Variants in TMEM233 observed in about 807,000 individuals in gnomAD.
The protein encoded by TMEM233 is transmembrane protein 233.
In TMEM233, 6 loss-of-function variants were observed where a neutral mutation model predicts 11.2. The observed-to-expected ratio is 0.54, with a 90% CI of 0.29 to 1.06. The LOEUF is 1.06. TMEM233 is among the 50% of genes least tolerant of loss of function. The pLI, the probability that TMEM233 is intolerant of heterozygous loss-of-function variation, is 0.08. For synonymous variants in TMEM233, 59 were observed against 55.8 expected (o/e 1.06, Z -0.26); for missense variants, 127 against 144.7 (o/e 0.88, Z 0.63).
intron 2 of TMEM233, among the ~76,000 whole-genome samples, chr12:119,635,738 C>T (rs1566114164): frequency 6.6e-6 from 1 of 152,146 alleles, no homozygotes; most frequent in Non-Finnish European, 1.5e-5. Context: ...CTGGCTGGCT[C>T]TTAGTTGGAG....
At position 119,623,767 on chromosome 12, in the gene TMEM233, C is replaced by T. The variant is rs138101374; in HGVS notation, c.187-5969C>T. Among the ~76,000 whole-genome samples, 8 of 152,258 alleles carry T rather than the reference C, an allele frequency of 5.3e-5. No homozygotes were observed. The East Asian group carries it at 1.5e-3, about 29-fold the overall frequency. Reference sequence around the variant, plus strand: ...ACATTTATTGAGCACACACTATGTGCGGAGCCAATACCAACCACTTGACAC... The same window carrying T: ...ACATTTATTGAGCACACACTATGTGTGGAGCCAATACCAACCACTTGACAC... On this transcript the variant is annotated intron_variant, in intron 1 of 2. Transcript: ENST00000426426.
chr12:119,600,914 T>A (rs986172460), intron 1 of TMEM233, among the ~76,000 whole-genome samples: 2 of 126,668 alleles, frequency 1.6e-5, no homozygotes, highest in Non-Finnish European at 3.6e-5. Flanking sequence ...TTGAACTGTA[T>A]ACTTAAAAAT....
chr12:119,612,834 C>G (rs1482499778), intron 1 of TMEM233, among the ~76,000 whole-genome samples: 1 of 151,452 alleles, frequency 6.6e-6, no homozygotes, highest in African/African-American at 2.4e-5. Flanking sequence ...GTGGGAGGAT[C>G]ACTAGAGTAC....
downstream of TMEM233, among the ~76,000 whole-genome samples, chr12:119,647,119 C>T (rs982164997): frequency 1.2e-4 from 19 of 152,148 alleles, no homozygotes; most frequent in African/African-American, 4.6e-4. Flanking sequence ...TAGTCTCAAA[C>T]TTCTGGCCTC....
intron 1 of TMEM233, among the ~76,000 whole-genome samples, chr12:119,596,905 G>A (rs985412144): frequency 1.3e-5 from 2 of 152,218 alleles, no homozygotes; most frequent in Non-Finnish European, 2.9e-5. Context: ...AAGCATTCTA[G>A]TTCTTAGCAC....
chr12:119,594,013 G>A lies in TMEM233; in HGVS notation c.165G>A (p.Val55=). The part of the protein sequence containing the change: ...CFCPAYPINI[V]ALVFSIMSLN... ...GCCCTGCGTACCCCATCAACATCGT[G>A]GCTTTGGTCTTTTCCATCATGGTGA... Residue 55 remains valine, a synonymous_variant, in exon 1 of 3, where the codon GTG becomes GTA. Transcript: ENST00000426426. The surrounding 1 kb of genome is among the most constrained non-coding windows in gnomAD (Gnocchi z 5.6). 8.4e-6 allele frequency: 13 copies of A among 1,551,660 alleles called. No individual in the cohort carries two copies. The highest frequency in any genetic ancestry group is 1.1e-5 in the Non-Finnish European group (13 of 1,146,960).
At chr12:119,640,096 G>C (rs559482013) in intron 2 of TMEM233, among the ~76,000 whole-genome samples, 1 of 152,326 alleles carries the variant, frequency 6.6e-6, no homozygotes, top group East Asian at 1.9e-4. Flanking sequence ...GGGGAGGAGA[G>C]TGAGGTTCGG....
chr12:119,622,240 A>T (rs1191372876), intron 1 of TMEM233, among the ~76,000 whole-genome samples: 5 of 152,206 alleles, frequency 3.3e-5, no homozygotes, highest in Admixed American at 1.3e-4. Flanking sequence ...CGGGGAAAAA[A>T]TCTAGAATCA....
At position 119,595,043 on chromosome 12, in the gene TMEM233, G is replaced by A. The variant is rs1352772802; in HGVS notation, c.186+1009G>A. Among the ~76,000 whole-genome samples, 1 of 152,222 alleles carries A rather than the reference G, an allele frequency of 6.6e-6. No homozygotes were observed. Among genetic ancestry groups the A allele is most frequent in the African/African-American group, 2.4e-5 (1 of 41,480 alleles). Reference sequence around the variant, plus strand: ...TCCCGAGCTGCCCGCCTCTCTAGGAGTGGCCGCTGGGGCCTCTAGTCCGCC... The same window carrying A: ...TCCCGAGCTGCCCGCCTCTCTAGGAATGGCCGCTGGGGCCTCTAGTCCGCC... On this transcript the variant is annotated intron_variant, in intron 1 of 2. Coordinates refer to ENST00000426426, the MANE Select transcript of TMEM233 (RefSeq NM_001136534.3). The surrounding 1 kb of genome is among the most constrained non-coding windows in gnomAD (Gnocchi z 4.3).
At chr12:119,653,189 G>T in the TMEM233 span, among the ~76,000 whole-genome samples, 1 of 151,872 alleles carries the variant, frequency 6.6e-6, no homozygotes, top group African/African-American at 2.4e-5. Flanking sequence ...GTCAGGAGAT[G>T]GAGACCATCT....
chr12:119,602,683 T>C (rs959605888), intron 1 of TMEM233, among the ~76,000 whole-genome samples: 1 of 152,220 alleles, frequency 6.6e-6, no homozygotes, highest in Non-Finnish European at 1.5e-5. Context: ...TTTAAACTGT[T>C]TTTAGAGTCC....
intron 1 of TMEM233, among the ~76,000 whole-genome samples, chr12:119,597,562 G>A (rs1225053594): frequency 6.6e-6 from 1 of 151,728 alleles, no homozygotes; most frequent in Admixed American, 6.6e-5. Flanking sequence ...CACCAAATTA[G>A]AGTAGGTGCT....
rs534976438 is a variant in TMEM233 at position 119,595,351 on chromosome 12, G to A, written c.186+1317G>A. 6.6e-6 allele frequency among the ~76,000 whole-genome samples: 1 copy of A among 152,260 alleles called. No homozygotes were observed. The highest frequency in any genetic ancestry group is 2.1e-4 in the South Asian group (1 of 4,826). On this transcript the variant is annotated intron_variant, in intron 1 of 2. Coordinates refer to ENST00000426426, the MANE Select transcript of TMEM233 (RefSeq NM_001136534.3). This position sits in a 1 kb window ranked among gnomAD's most constrained non-coding sequence, Gnocchi z 4.3. ...GCGCTGTGAAAATCGCTAGCCACCC[G>A]TCCCCCATCAAGTCCGCCCACACTT...
At chr12:119,625,483 C>T (rs1474592407) in intron 1 of TMEM233, among the ~76,000 whole-genome samples, 1 of 151,924 alleles carries the variant, frequency 6.6e-6, no homozygotes, top group Non-Finnish European at 1.5e-5. Flanking sequence ...GATCCTGCCA[C>T]CTCAGCCTCC....
intron 1 of TMEM233, among the ~76,000 whole-genome samples, chr12:119,615,480 A>G (rs1954508545): frequency 6.6e-6 from 1 of 152,222 alleles, no homozygotes; most frequent in Non-Finnish European, 1.5e-5. Context: ...TCCCACCCCC[A>G]GAGAGCCTGA....
At chr12:119,638,437 TG>T (rs1423525498) in intron 2 of TMEM233, among the ~76,000 whole-genome samples, 5 of 152,176 alleles carry the variant, frequency 3.3e-5, no homozygotes, top group Admixed American at 1.3e-4. Context: ...TACTCCAGCC[TG>T]GGTGACAGAG....
intron 1 of TMEM233, among the ~76,000 whole-genome samples, chr12:119,627,140 C>T (rs1430734093): frequency 6.6e-6 from 1 of 152,222 alleles, no homozygotes; most frequent in Non-Finnish European, 1.5e-5. Flanking sequence ...CTGGGAATGA[C>T]AGCCGTGGCT....
At chr12:119,650,816 T>C in the TMEM233 span, among the ~76,000 whole-genome samples, 2 of 152,322 alleles carry the variant, frequency 1.3e-5, no homozygotes, top group South Asian at 2.1e-4. Context: ...CTAATTTTTG[T>C]ATTTTTAGTA....
the TMEM233 span, among the ~76,000 whole-genome samples, chr12:119,650,175 T>C: frequency 8.5e-6 from 1 of 117,908 alleles, no homozygotes; most frequent in Non-Finnish European, 1.8e-5. Context: ...AAAAAAAAAG[T>C]GGGTAACTAT....
Sources: allele counts gnomAD v4.1 joint callset (sites outside exome capture counted in the v4.1 genomes callset), GRCh38; gene constraint gnomAD v4.1.1; non-coding constraint Gnocchi (gnomAD v3.1); transcripts MANE v1.5; gene names NCBI Gene and HGNC (gene_info 2026-07-23, HGNC 2026-07-21).